EYS: variants seen among roughly 807,000 people sequenced by gnomAD.
The protein encoded by EYS is protein eyes shut homolog.
Under a neutral mutation model 282.1 loss-of-function variants are expected in EYS, and 250 were observed. The observed-to-expected ratio is 0.89, with a 90% CI of 0.80 to 0.98. The LOEUF is 0.98. Ranked by LOEUF, EYS falls within the 50% of genes least tolerant of loss-of-function variation. EYS has a pLI of 0.00. For synonymous variants in EYS, 1,355 were observed against 1,282.9 expected, an observed-to-expected ratio of 1.06 and a Z score of -1.20; for missense variants, 4,016 against 3,709.0, an observed-to-expected ratio of 1.08 and a Z score of -2.15.
chr6:64,651,589 G>A (rs10944661), intron 22 of EYS, among the ~76,000 whole-genome samples: 144,991 of 152,340 alleles, frequency 0.95, 69,401 homozygotes, highest in East Asian at 1. Context: ...AGGCTGAGAC[G>A]GGAGAATCGC....
At chr6:65,675,241 CAAT>C (rs1768537755) in intron 1 of EYS, among the ~76,000 whole-genome samples, 1 of 151,386 alleles carries the variant, frequency 6.6e-6, no homozygotes, top group Non-Finnish European at 1.5e-5. Context: ...AATAATATGG[CAAT>C]AATAAGTCTT....
intron 18 of EYS, among the ~76,000 whole-genome samples, chr6:64,893,560 G>A (rs1211579354): frequency 6.6e-6 from 1 of 151,906 alleles, no homozygotes; most frequent in Non-Finnish European, 1.5e-5. Flanking sequence ...ACTTTAAGAA[G>A]AGATAAGACA....
At chr6:63,907,452 C>T (rs1186103501) in intron 35 of EYS, among the ~76,000 whole-genome samples, 2 of 152,134 alleles carry the variant, frequency 1.3e-5, no homozygotes, top group African/African-American at 2.4e-5. Flanking sequence ...ATTTTTGTCT[C>T]CTTTTCCTCT....
At chr6:64,668,593 A>G (rs1282097944) in intron 22 of EYS, among the ~76,000 whole-genome samples, 1 of 116,278 alleles carries the variant, frequency 8.6e-6, no homozygotes, top group East Asian at 3.0e-4. Context: ...TCTGTCGCCC[A>G]GGCTGGAGTG....
chr6:65,092,740 C>T (rs569228459), intron 12 of EYS, among the ~76,000 whole-genome samples: 8 of 152,022 alleles, frequency 5.3e-5, no homozygotes, highest in Non-Finnish European at 8.8e-5. Flanking sequence ...CTACTTACAG[C>T]GCAGGAAGAT....
At chr6:64,683,302 A>T (rs1331340986) in intron 22 of EYS, among the ~76,000 whole-genome samples, 1 of 152,228 alleles carries the variant, frequency 6.6e-6, no homozygotes, top group Non-Finnish European at 1.5e-5. Flanking sequence ...CTGATAGCAG[A>T]GAAATAATTA....
At chr6:65,272,491 C>A (rs1767932309) in intron 12 of EYS, among the ~76,000 whole-genome samples, 1 of 152,070 alleles carries the variant, frequency 6.6e-6, no homozygotes, top group African/African-American at 2.4e-5. Context: ...AGGAGCCCAG[C>A]CATTCTGCAT....
At chr6:64,711,360 T>C (rs1310432533) in intron 22 of EYS, among the ~76,000 whole-genome samples, 3 of 152,210 alleles carry the variant, frequency 2.0e-5, no homozygotes, top group African/African-American at 7.2e-5. Context: ...GGCTTATATA[T>C]GTGTGCCCAC....
intron 33 of EYS, among the ~76,000 whole-genome samples, chr6:64,025,138 A>G (rs9450607): frequency 0.32 from 48,859 of 151,868 alleles, 8,040 homozygotes; most frequent in Middle Eastern, 0.38. Context: ...GGCACCTGTC[A>G]GCCAGTTAAA....
intron 12 of EYS, among the ~76,000 whole-genome samples, chr6:65,238,809 CATTTA>C (rs1210062118): frequency 6.6e-6 from 1 of 151,776 alleles, no homozygotes; most frequent in Non-Finnish European, 1.5e-5. Flanking sequence ...CACAAAATTT[CATTTA>C]AAAGTATTAG....
intron 22 of EYS, among the ~76,000 whole-genome samples, chr6:64,739,593 C>T (rs1006377683): frequency 2.0e-5 from 3 of 152,132 alleles, no homozygotes; most frequent in African/African-American, 7.2e-5. Context: ...CTCTATATCC[C>T]AGTTGTACCT....
At chr6:65,032,684 T>C (rs932403588) in intron 13 of EYS, among the ~76,000 whole-genome samples, 3 of 152,150 alleles carry the variant, frequency 2.0e-5, no homozygotes, top group Non-Finnish European at 4.4e-5. Flanking sequence ...TCTCTTTTTT[T>C]TTTTAAATAA....
intron 12 of EYS, among the ~76,000 whole-genome samples, chr6:65,267,796 G>A (rs902449467): frequency 6.6e-6 from 1 of 151,724 alleles, no homozygotes; most frequent in African/African-American, 2.4e-5. Context: ...CAAGCAAATG[G>A]AAATCTGTTT....
At chr6:65,389,174 C>A (rs894156992) in intron 7 of EYS, among the ~76,000 whole-genome samples, 25 of 152,128 alleles carry the variant, frequency 1.6e-4, no homozygotes, top group Middle Eastern at 3.2e-3. Context: ...TAAAGTAACT[C>A]ATTTGCCAGC....
At chr6:65,517,761 A>C (rs901405740) in intron 2 of EYS, among the ~76,000 whole-genome samples, 3 of 152,080 alleles carry the variant, frequency 2.0e-5, no homozygotes, top group African/African-American at 7.2e-5. Flanking sequence ...CACCAACGAC[A>C]GATTATTACC....
intron 22 of EYS, among the ~76,000 whole-genome samples, chr6:64,687,364 A>G (rs906203966): frequency 2.6e-5 from 4 of 152,202 alleles, no homozygotes; most frequent in Non-Finnish European, 5.9e-5. Context: ...GGAAGAATGC[A>G]TGAGAGTTTA....
intron 31 of EYS, among the ~76,000 whole-genome samples, chr6:64,175,657 G>A (rs1360202483): frequency 2.0e-5 from 3 of 152,150 alleles, no homozygotes; most frequent in Non-Finnish European, 4.4e-5. Context: ...AGCTTCAGTG[G>A]GGAAGCCCAG....
intron 2 of EYS, among the ~76,000 whole-genome samples, chr6:65,573,698 T>G (rs1455906691): frequency 6.6e-6 from 1 of 152,154 alleles, no homozygotes; most frequent in African/African-American, 2.4e-5. Flanking sequence ...AGATGTTAGT[T>G]TGCACACATA....
At chr6:64,518,596 T>C (rs1018876822) in intron 26 of EYS, among the ~76,000 whole-genome samples, 3 of 151,800 alleles carry the variant, frequency 2.0e-5, no homozygotes, top group African/African-American at 7.2e-5. Context: ...AAGTCGCTAT[T>C]GACCCGACGG....
Sources: gnomAD v4.1 joint callset for allele counts (sites outside exome capture counted in the v4.1 genomes callset) on GRCh38, gnomAD v4.1.1 for gene constraint, MANE v1.5 for transcripts, NCBI Gene and HGNC (gene_info 2026-07-23, HGNC 2026-07-21) for gene names.